The following RYR2 variants were observed in gnomAD, a reference collection of about 807,000 sequenced individuals.
RYR2 encodes the protein ryanodine receptor 2.
Under a neutral mutation model 601.1 loss-of-function variants are expected in RYR2, and 227 were observed. The observed-to-expected ratio is 0.38, with a 90% CI of 0.34 to 0.42. The LOEUF is 0.42. RYR2 is among the 10% of genes least tolerant of loss of function. RYR2 has a pLI of 1.00. For missense variants in RYR2, 4,646 were observed against 6,156.5 expected (o/e 0.75, Z 8.21); for synonymous variants, 2,223 against 2,175.1 (o/e 1.02, Z -0.61).
chr1:237,720,865 T>A (rs1054112099), intron 73 of RYR2, among the ~76,000 whole-genome samples: 9 of 152,142 alleles, frequency 5.9e-5, no homozygotes, highest in African/African-American at 2.2e-4. Flanking sequence ...AGGTCACTTG[T>A]AAGAATATTT....
At chr1:237,247,369 C>T (rs1269136184) in intron 1 of RYR2, among the ~76,000 whole-genome samples, 1 of 152,186 alleles carries the variant, frequency 6.6e-6, no homozygotes, top group Non-Finnish European at 1.5e-5. Flanking sequence ...GTAGAGTGCC[C>T]ACTCTCCCTT....
intron 44 of RYR2, among the ~76,000 whole-genome samples, chr1:237,635,599 G>GA (rs1558108803): frequency 6.6e-6 from 1 of 152,130 alleles, no homozygotes; most frequent in African/African-American, 2.4e-5. Flanking sequence ...GTAGTCACCT[G>GA]ATTTTTTTTC....
chr1:237,562,608 C>T (rs1339188070), intron 27 of RYR2, among the ~76,000 whole-genome samples: 3 of 152,112 alleles, frequency 2.0e-5, no homozygotes, highest in Non-Finnish European at 4.4e-5. Context: ...ATTGTTTCTG[C>T]TTTGAATACC....
intron 12 of RYR2, 102 bp downstream of exon 12, chr1:237,423,350 A>G (rs1314154620): frequency 3.9e-5 from 51 of 1,297,028 alleles, no homozygotes; most frequent in Non-Finnish European, 2.7e-5. Context: ...TGATGTAAGT[A>G]TGTCTTATGT....
At chr1:237,585,953 C>T (rs1016518853) in intron 29 of RYR2, among the ~76,000 whole-genome samples, 1 of 152,132 alleles carries the variant, frequency 6.6e-6, no homozygotes, top group Non-Finnish European at 1.5e-5. Flanking sequence ...AAATTACAAA[C>T]ATTCCCACTA....
At chr1:237,592,406 A>G (rs1675303181) in intron 32 of RYR2, among the ~76,000 whole-genome samples, 1 of 151,982 alleles carries the variant, frequency 6.6e-6, no homozygotes, top group African/African-American at 2.4e-5. Context: ...TTAGAGGTGG[A>G]TGGATCATCT....
chr1:237,439,482 A>G (rs1707699771), intron 12 of RYR2, among the ~76,000 whole-genome samples: 1 of 151,958 alleles, frequency 6.6e-6, no homozygotes, highest in Non-Finnish European at 1.5e-5. Context: ...TGTCTCTACT[A>G]AAAATACAAA....
intron 24 of RYR2, among the ~76,000 whole-genome samples, chr1:237,529,549 A>G (rs1211912847): frequency 6.6e-6 from 1 of 152,136 alleles, no homozygotes; most frequent in African/African-American, 2.4e-5. Flanking sequence ...AAAATATTAT[A>G]GAGATAAGTA....
intron 100 of RYR2, among the ~76,000 whole-genome samples, chr1:237,817,796 G>A (rs1328620885): frequency 6.6e-6 from 1 of 152,190 alleles, no homozygotes; most frequent in Admixed American, 6.5e-5. Flanking sequence ...GCAGAGGAGT[G>A]TGGTGTTTCT....
At chr1:237,796,701 T>C (rs765252293) in intron 96 of RYR2, among the ~76,000 whole-genome samples, 1 of 152,122 alleles carries the variant, frequency 6.6e-6, no homozygotes, top group African/African-American at 2.4e-5. Flanking sequence ...TTTTCTAATC[T>C]TTTCTCCTGT....
intron 1 of RYR2, among the ~76,000 whole-genome samples, chr1:237,087,193 C>T (rs942151176): frequency 1.2e-4 from 19 of 152,280 alleles, no homozygotes; most frequent in Non-Finnish European, 7.4e-5. Context: ...GCTGGTGCTT[C>T]CAGATGGCAC....
Position 237,589,956 on chromosome 1 carries a change from G to C in RYR2, c.3762G>C (p.Arg1254Ser). ...NRDITMWLSK[R>S]LPQFLQVPSN... ...ATATTACCATGTGGCTGAGCAAGAGGCTTCCTCAGTTTCTTCAAGTTCCAT... is the reference window on the plus strand; with the variant it reads ...ATATTACCATGTGGCTGAGCAAGAGCCTTCCTCAGTTTCTTCAAGTTCCAT... Residue 1254 changes from arginine to serine, a missense_variant, in exon 30 of 105, where the codon AGG becomes AGC. Around this residue, in one of 17 missense-constraint regions of RYR2, gnomAD observed 1,807 missense variants for 2,088.1 expected, o/e 0.87. Transcript: ENST00000366574. 6.2e-7 allele frequency: 1 copy of C among 1,613,858 alleles called. No homozygotes were observed. Among genetic ancestry groups the C allele is most frequent in the Non-Finnish European group, 8.5e-7 (1 of 1,179,856 alleles).
chr1:237,337,415 G>T (rs1393372141), intron 3 of RYR2, among the ~76,000 whole-genome samples: 6 of 152,092 alleles, frequency 3.9e-5, no homozygotes, highest in Non-Finnish European at 4.4e-5. Context: ...TTGCATCTAA[G>T]ATCATTTTAT....
chr1:237,726,925 A>G (rs945884624), intron 75 of RYR2, among the ~76,000 whole-genome samples, 162 bp from the exon 76 acceptor site: 1 of 152,126 alleles, frequency 6.6e-6, no homozygotes, highest in African/African-American at 2.4e-5. Flanking sequence ...CTTCTTCATG[A>G]TAATCTTAAG....
intron 2 of RYR2, among the ~76,000 whole-genome samples, chr1:237,308,649 G>A (rs1391789879): frequency 6.6e-6 from 1 of 152,142 alleles, no homozygotes; most frequent in Non-Finnish European, 1.5e-5. Flanking sequence ...TGGTCTTGCT[G>A]GCCTCATGAA....
intron 10 of RYR2, among the ~76,000 whole-genome samples, chr1:237,390,672 A>G (rs1036184970): frequency 1.3e-5 from 2 of 152,154 alleles, no homozygotes; most frequent in African/African-American, 2.4e-5. Context: ...GATCCTTTCG[A>G]TGGCTAGTTA....
chr1:237,066,641 C>CTTT (rs71178383), intron 1 of RYR2, among the ~76,000 whole-genome samples: 1 of 147,078 alleles, frequency 6.8e-6, no homozygotes. Context: ...CCGTGTCTTT[C>CTTT]TTTTTTTTTT....
chr1:237,504,974 G>T (rs548108318), intron 22 of RYR2, among the ~76,000 whole-genome samples: 1 of 152,340 alleles, frequency 6.6e-6, no homozygotes, highest in Non-Finnish European at 1.5e-5. Flanking sequence ...TATAGAGAAA[G>T]ATGAGGATGC....
chr1:237,500,760 T>C lies in RYR2; in HGVS notation c.2253T>C (p.Thr751=), dbSNP rs762905211. 6.2e-7 allele frequency: 1 copy of C among 1,613,990 alleles called. No homozygotes were observed. The highest frequency in any genetic ancestry group is 1.1e-5 in the South Asian group (1 of 91,078). ...VSSPNQHLLR[T]DDVISCCLDL... Reference sequence around the variant, plus strand: ...CACCAAACCAACATCTGTTAAGAACTGATGATGTCATCAGTTGCTGTTTAG... The same window carrying C: ...CACCAAACCAACATCTGTTAAGAACCGATGATGTCATCAGTTGCTGTTTAG... The change falls in exon 21 of 105, where the codon ACT becomes ACC. Residue 751 remains threonine, a synonymous_variant. Coordinates refer to ENST00000366574, the MANE Select transcript of RYR2 (RefSeq NM_001035.3).
Sources: gnomAD v4.1 joint callset for allele counts (sites outside exome capture counted in the v4.1 genomes callset) on GRCh38, gnomAD v4.1.1 for gene constraint, gnomAD v4.1.1 regional missense constraint, MANE v1.5 for transcripts, NCBI Gene and HGNC (gene_info 2026-07-23, HGNC 2026-07-21) for gene names.